SH3BP4: variants seen among roughly 807,000 people sequenced by gnomAD.
SH3BP4 encodes SH3 domain binding protein 4.
A neutral mutation model predicts 65.5 loss-of-function variants in SH3BP4; 33 were observed. The observed-to-expected ratio is 0.50, with a 90% CI of 0.38 to 0.67. The LOEUF (loss-of-function observed/expected upper bound fraction) is 0.67. Ranked by LOEUF, SH3BP4 falls within the 30% of genes least tolerant of loss-of-function variation. The pLI, the probability that SH3BP4 is intolerant of heterozygous loss-of-function variation, is 0.00. For missense variants in SH3BP4, 1,134 were observed against 1,261.4 expected, an observed-to-expected ratio of 0.90 and a Z score of 1.53; for synonymous variants, 552 against 545.5, an observed-to-expected ratio of 1.01 and a Z score of -0.17.
intron 1 of SH3BP4, among the ~76,000 whole-genome samples, chr2:234,971,198 C>G (rs1692990087): frequency 6.6e-6 from 1 of 152,176 alleles, no homozygotes. Flanking sequence ...ATTCCACTTT[C>G]TGTTGCTATG....
At chr2:234,955,263 C>T (rs1047011150) in intron 1 of SH3BP4, among the ~76,000 whole-genome samples, 1 of 152,138 alleles carries the variant, frequency 6.6e-6, no homozygotes, top group African/African-American at 2.4e-5. Context: ...AGCCTCAGGC[C>T]AAGCAACGTT....
chr2:234,989,523 C>A (rs1015610480), intron 1 of SH3BP4, among the ~76,000 whole-genome samples: 2 of 152,106 alleles, frequency 1.3e-5, no homozygotes, highest in Non-Finnish European at 2.9e-5. Flanking sequence ...TTGCCCACTG[C>A]GTAAGTAGGA....
chr2:234,972,048 C>A (rs1032155515), intron 1 of SH3BP4, among the ~76,000 whole-genome samples: 4 of 151,968 alleles, frequency 2.6e-5, no homozygotes, highest in African/African-American at 7.3e-5. Flanking sequence ...ATCTCTTGAC[C>A]TCATGATCCA....
chr2:234,984,588 T>C (rs1215772764), intron 1 of SH3BP4, among the ~76,000 whole-genome samples: 2 of 152,204 alleles, frequency 1.3e-5, no homozygotes, highest in East Asian at 1.9e-4. Flanking sequence ...GAAGAAAATA[T>C]TTGCTTGGCT....
chr2:234,964,793 C>G (rs1692798035), intron 1 of SH3BP4, among the ~76,000 whole-genome samples: 1 of 152,148 alleles, frequency 6.6e-6, no homozygotes, highest in East Asian at 1.9e-4. Flanking sequence ...GAACTTGTAT[C>G]TAAGGGCACC....
Position 235,026,180 on chromosome 2 carries a change from A to C in SH3BP4, c.-132-8691A>C, listed in dbSNP as rs947001395. Among the ~76,000 whole-genome samples the C allele has an allele frequency of 6.6e-6, 1 of 152,074 alleles. No homozygotes were observed. The highest frequency in any genetic ancestry group is 2.4e-5 in the African/African-American group (1 of 41,412). On this transcript the variant is annotated intron_variant, in intron 2 of 5. Transcript: ENST00000392011. This position sits in a 1 kb window ranked among gnomAD's most constrained non-coding sequence, Gnocchi z 4.6. ...AGGAAAGGGAGGAGGCCAGGTAAGA[A>C]GCTCAGGCCTTGAAGAGGGATTCAC...
intron 1 of SH3BP4, among the ~76,000 whole-genome samples, chr2:234,986,863 G>A (rs1693576984): frequency 6.6e-6 from 1 of 150,904 alleles, no homozygotes; most frequent in African/African-American, 2.4e-5. Context: ...GGAGTGCAAT[G>A]GCTCAATCTT....
In SH3BP4 at chr2:235,050,913, G is replaced by T. The variant is rs144429421; in HGVS notation, c.2479-1649G>T. Among the ~76,000 whole-genome samples the T allele has an allele frequency of 3.1e-3, 467 of 152,272 alleles. 2 individuals carry two copies. Among genetic ancestry groups the T allele is most frequent in the Non-Finnish European group, 5.5e-3 (377 of 68,030 alleles). ...ACAACCTCAGGTGCTGAAACAGAGC[G>T]TAGAGAGAAAGAACGCCAGGACTGG... On this transcript the variant is annotated intron_variant, in intron 4 of 5. Transcript: ENST00000392011.
chr2:235,043,785 A>G (rs949411056), intron 4 of SH3BP4, among the ~76,000 whole-genome samples: 2 of 152,170 alleles, frequency 1.3e-5, no homozygotes, highest in African/African-American at 2.4e-5. Flanking sequence ...AGTCACCAGG[A>G]CAGTGTCTGT....
intron 3 of SH3BP4, among the ~76,000 whole-genome samples, chr2:235,040,184 G>A (rs1695587243): frequency 6.6e-6 from 1 of 152,202 alleles, no homozygotes; most frequent in African/African-American, 2.4e-5. Flanking sequence ...GCAGTGAGCT[G>A]AGATCATGTC....
At chr2:235,008,026 A>C (rs1004535891) in intron 2 of SH3BP4, among the ~76,000 whole-genome samples, 7 of 152,088 alleles carry the variant, frequency 4.6e-5, no homozygotes, top group Non-Finnish European at 7.4e-5. Flanking sequence ...TGGGAAAGGG[A>C]GAGTCGCAGC....
intron 1 of SH3BP4, among the ~76,000 whole-genome samples, chr2:234,986,013 G>C: frequency 1.3e-5 from 2 of 149,048 alleles, no homozygotes; most frequent in Middle Eastern, 7.5e-3. Context: ...TCATCTACGA[G>C]AATAGGGTCC....
Position 235,042,706 on chromosome 2 carries a change from C to T in SH3BP4, c.1937C>T (p.Pro646Leu), listed in dbSNP as rs750104541. The change falls in exon 4 of 6, where the codon CCG (proline) becomes CTG (leucine). Residue 646 changes from proline (P) to leucine (L), a missense_variant. Coordinates refer to ENST00000392011, the MANE Select transcript of SH3BP4 (RefSeq NM_014521.3). This position sits in a 1 kb window ranked among gnomAD's most constrained non-coding sequence, Gnocchi z 7.3. ...LSPFATTTKY[P>L]TFQDRPVSSL... ...CCGTTTGCCACCACTACAAAGTACC[C>T]GACTTTCCAGGACCGCCCGGTGTCC... The T allele has an allele frequency of 2.0e-5, 33 of 1,614,176 alleles. No homozygotes were observed. Among genetic ancestry groups the T allele is most frequent in the East Asian group, 4.5e-5 (2 of 44,882 alleles).
Position 235,042,770 on chromosome 2 carries a change from G to C in SH3BP4, c.2001G>C (p.Arg667=). The C allele has an allele frequency of 6.2e-7, 1 of 1,614,184 alleles. No individual in the cohort carries two copies. Residue 667 remains arginine, a synonymous_variant, in exon 4 of 6, where the codon CGG becomes CGC. Transcript: ENST00000392011. This position sits in a 1 kb window ranked among gnomAD's most constrained non-coding sequence, Gnocchi z 7.3. ...KFGKLLKTVV[R]QNKNHYLLEY... ...GTAAGTTGCTCAAGACTGTGGTGCG[G>C]CAGAACAAGAACCACTACCTGCTGG... is the stretch of plus-strand genomic sequence containing the variant.
Position 235,042,433 on chromosome 2 carries a change from A to G in SH3BP4, c.1664A>G (p.Gln555Arg). Residue 555 changes from glutamine to arginine, a missense_variant, in exon 4 of 6, where the codon CAG becomes CGG. Gln to Arg is a conservative substitution (Grantham distance 43). Coordinates refer to ENST00000392011, the MANE Select transcript of SH3BP4 (RefSeq NM_014521.3). The surrounding 1 kb of genome is among the most constrained non-coding windows in gnomAD (Gnocchi z 7.3). ...AATTACGAGGTCAAAGCCAGCGAGC[A>G]GGCCAAAGTGGTGCGAGGATTCCAG... ...MTNYEVKASE[Q>R]AKVVRGFQLK... 1 of 1,614,178 alleles carries G rather than the reference A, an allele frequency of 6.2e-7. No homozygotes were observed. The highest frequency in any genetic ancestry group is 8.5e-7 in the Non-Finnish European group (1 of 1,180,026).
intron 1 of SH3BP4, among the ~76,000 whole-genome samples, chr2:234,984,744 A>G (rs1282718812): frequency 6.6e-6 from 1 of 152,176 alleles, no homozygotes; most frequent in African/African-American, 2.4e-5. Flanking sequence ...CCAGTGGTCT[A>G]GCACCATTTA....
intron 3 of SH3BP4, among the ~76,000 whole-genome samples, chr2:235,038,380 T>TA (rs1464208024): frequency 1.4e-4 from 1 of 7,350 alleles, no homozygotes; most frequent in Non-Finnish European, 2.0e-4. Flanking sequence ...TATATACATA[T>TA]ATATATATAT....
intron 1 of SH3BP4, among the ~76,000 whole-genome samples, chr2:234,972,105 G>C (rs1185857141): frequency 6.7e-6 from 1 of 149,280 alleles, no homozygotes; most frequent in Non-Finnish European, 1.5e-5. Flanking sequence ...GTGAGCCACC[G>C]TGCCCGGCCT....
In SH3BP4 at chr2:235,036,740, A is replaced by AAAAAATAATAATAATAATAATAAT. The variant is rs146049108; in HGVS notation, c.118+1622_118+1623insAAATAATAATAATAATAATAATAA. 2.4e-3 allele frequency among the ~76,000 whole-genome samples: 334 copies of AAAAAATAATAATAATAATAATAAT among 141,770 alleles called. 4 individuals carry two copies. Among genetic ancestry groups the AAAAAATAATAATAATAATAATAAT allele is most frequent in the East Asian group, 0.016 (75 of 4,760 alleles). 93.0% of individuals were successfully genotyped at this position (141,770 alleles called of 152,430 possible). On this transcript the variant is annotated intron_variant, in intron 3 of 5. Coordinates refer to ENST00000392011, the MANE Select transcript of SH3BP4 (RefSeq NM_014521.3). ...ACTGCACTCTGAGACTCTATATAAA[A>AAAAAATAATAATAATAATAATAAT]AATAATAATAATAATAATGACAGTG...
Sources: allele counts gnomAD v4.1 joint callset (sites outside exome capture counted in the v4.1 genomes callset), GRCh38; gene constraint gnomAD v4.1.1; non-coding constraint Gnocchi (gnomAD v3.1); transcripts MANE v1.5; gene names NCBI Gene and HGNC (gene_info 2026-07-23, HGNC 2026-07-21).